Variants in FBXO4 observed in about 807,000 individuals in gnomAD.
FBXO4 encodes the protein F-box only protein 4.
In FBXO4, 36 loss-of-function variants were observed where a neutral mutation model predicts 43.7. The ratio of observed to expected loss-of-function variants is 0.82; its 90% CI spans 0.63 to 1.09. FBXO4 has a LOEUF of 1.09. Among genes scored for constraint, FBXO4 ranks in the 50% least tolerant of loss-of-function variants. The probability of loss-of-function intolerance (pLI) is 0.00; values close to 1 mark genes in which losing one functional copy is unlikely to be tolerated. For missense variants in FBXO4, 435 were observed against 474.1 expected (o/e 0.92, Z 0.77); for synonymous variants, 180 against 165.6 (o/e 1.09, Z -0.67).
At chr5:42,036,105 T>C in the FBXO4 span, among the ~76,000 whole-genome samples, 1 of 152,132 alleles carries the variant, frequency 6.6e-6, no homozygotes, top group Non-Finnish European at 1.5e-5. Context: ...CTAGTGTTTT[T>C]CAGATATTAC....
At chr5:42,033,832 T>C in the FBXO4 span, among the ~76,000 whole-genome samples, 2 of 151,888 alleles carry the variant, frequency 1.3e-5, no homozygotes, top group South Asian at 2.1e-4. Context: ...CTGCTGCATG[T>C]GTCTTTATAG....
chr5:42,033,511 A>G, the FBXO4 span, among the ~76,000 whole-genome samples: 1 of 152,040 alleles, frequency 6.6e-6, no homozygotes, highest in Non-Finnish European at 1.5e-5. Flanking sequence ...CCCCGTATGC[A>G]TTAGCTATTT....
the FBXO4 span, among the ~76,000 whole-genome samples, chr5:42,032,742 A>T: frequency 0.078 from 11,878 of 152,140 alleles, 578 homozygotes; most frequent in African/African-American, 0.13. Context: ...CTGTGCTAGT[A>T]CCTAAGGTGC....
the FBXO4 span, among the ~76,000 whole-genome samples, chr5:42,039,062 A>G: frequency 1.3e-5 from 2 of 152,104 alleles, no homozygotes; most frequent in Non-Finnish European, 2.9e-5. Context: ...TTTATTCAAG[A>G]GAGAGTTTCA....
At chr5:42,035,122 G>A in the FBXO4 span, among the ~76,000 whole-genome samples, 1 of 151,914 alleles carries the variant, frequency 6.6e-6, no homozygotes, top group Non-Finnish European at 1.5e-5. Flanking sequence ...GTCTCTGCTT[G>A]TCTGTTGTTG....
At chr5:41,934,541 C>T in intron 5 of FBXO4, 3 of 1,370,672 alleles carry the variant, frequency 2.2e-6, no homozygotes, top group Non-Finnish European at 2.8e-6. Flanking sequence ...GATTTTATTC[C>T]TAGATTTGGG....
At chr5:41,944,391 T>C (rs1235342378), downstream of FBXO4, among the ~76,000 whole-genome samples, 2 of 152,324 alleles carry the variant, frequency 1.3e-5, no homozygotes, top group East Asian at 1.9e-4. Flanking sequence ...TGGTTCACTA[T>C]TACCTCTAGG....
chr5:42,038,397 G>A, the FBXO4 span, among the ~76,000 whole-genome samples: 2 of 152,066 alleles, frequency 1.3e-5, no homozygotes, highest in South Asian at 2.1e-4. Flanking sequence ...CAGAGAACTT[G>A]ACAGAGAATG....
the FBXO4 span, among the ~76,000 whole-genome samples, chr5:42,026,325 T>C: frequency 2.6e-5 from 4 of 151,820 alleles, no homozygotes; most frequent in African/African-American, 9.7e-5. Flanking sequence ...TTTATTTCAT[T>C]TTCACATTTT....
the FBXO4 span, among the ~76,000 whole-genome samples, chr5:41,974,576 T>G: frequency 1.3e-5 from 2 of 152,248 alleles, no homozygotes; most frequent in South Asian, 2.1e-4. Flanking sequence ...TTGTCACTGT[T>G]ATTGTGCTAT....
chr5:41,955,553 T>TAA, the FBXO4 span, among the ~76,000 whole-genome samples: 2 of 152,082 alleles, frequency 1.3e-5, no homozygotes, highest in African/African-American at 4.8e-5. Context: ...CAAAAGGAGA[T>TAA]AAAACACAGA....
the FBXO4 span, among the ~76,000 whole-genome samples, chr5:42,024,068 T>G: frequency 6.6e-6 from 1 of 152,054 alleles, no homozygotes; most frequent in Non-Finnish European, 1.5e-5. Flanking sequence ...TAAATTCTAT[T>G]TATCCTTTAT....
chr5:42,024,945 C>T, the FBXO4 span, among the ~76,000 whole-genome samples: 1 of 152,006 alleles, frequency 6.6e-6, no homozygotes, highest in African/African-American at 2.4e-5. Flanking sequence ...TTTATCCATC[C>T]ATCTGCTGAT....
At chr5:42,035,936 C>T in the FBXO4 span, among the ~76,000 whole-genome samples, 1 of 151,954 alleles carries the variant, frequency 6.6e-6, no homozygotes, top group Non-Finnish European at 1.5e-5. Context: ...TTAAACTGAC[C>T]CTGCCTTGAT....
At chr5:42,030,749 A>T in the FBXO4 span, among the ~76,000 whole-genome samples, 1 of 152,280 alleles carries the variant, frequency 6.6e-6, no homozygotes, top group Admixed American at 6.5e-5. Context: ...ATGAACTCCA[A>T]CAAATTTACA....
At chr5:42,026,394 A>AT in the FBXO4 span, among the ~76,000 whole-genome samples, 1 of 151,762 alleles carries the variant, frequency 6.6e-6, no homozygotes. Flanking sequence ...CAGCATACTG[A>AT]TTTTTGTATG....
At chr5:42,002,270 G>A in the FBXO4 span, among the ~76,000 whole-genome samples, 14 of 152,140 alleles carry the variant, frequency 9.2e-5, no homozygotes, top group Non-Finnish European at 1.6e-4. Flanking sequence ...CCAGAGGGTC[G>A]TTGTGCACAC....
the FBXO4 span, among the ~76,000 whole-genome samples, chr5:42,030,562 C>A: frequency 1.3e-5 from 2 of 151,894 alleles, no homozygotes; most frequent in African/African-American, 2.4e-5. Context: ...GACTTCATGT[C>A]TAAAACACCA....
At position 41,939,439 on chromosome 5, in the gene FBXO4, A is replaced by T. The variant is rs1751939193; in HGVS notation, c.899-2A>T. On this transcript the variant is annotated splice_acceptor_variant, in intron 5 of 6. Transcript: ENST00000281623. LOFTEE classifies it high-confidence loss of function. ...TTAAGGGTTTTGACTTACATTCCTT[A>T]GGACATGAATGGCAAGATGAATTTT... 5 of 1,604,028 alleles carry T rather than the reference A, an allele frequency of 3.1e-6. No individual in the cohort carries two copies. The highest frequency in any genetic ancestry group is 4.3e-6 in the Non-Finnish European group (5 of 1,174,312).
Sources: gnomAD v4.1 joint callset for allele counts (sites outside exome capture counted in the v4.1 genomes callset) on GRCh38, gnomAD v4.1.1 for gene constraint, MANE v1.5 for transcripts, NCBI Gene and HGNC (gene_info 2026-07-23, HGNC 2026-07-21) for gene names.